NOS1: variants seen among roughly 807,000 people sequenced by gnomAD.
NOS1 encodes NOS type I.
A neutral mutation model predicts 164.5 loss-of-function variants in NOS1; 51 were observed. The ratio of observed to expected loss-of-function variants is 0.31; its 90% confidence interval spans 0.25 to 0.39. NOS1 has a LOEUF of 0.39. NOS1 is among the 10% of genes least tolerant of loss of function. NOS1 has a pLI of 1.00. For synonymous variants in NOS1, 719 were observed against 745.8 expected, an observed-to-expected ratio of 0.96 and a Z score of 0.59; for missense variants, 1,362 against 1,885.6, an observed-to-expected ratio of 0.72 and a Z score of 5.14.
intron 9 of NOS1, among the ~76,000 whole-genome samples, chr12:117,275,149 C>CAT (rs1226423332): frequency 1.5e-4 from 23 of 151,866 alleles, no homozygotes; most frequent in Admixed American, 3.3e-4. Flanking sequence ...TAAATATATA[C>CAT]ACACATATAT....
intron 2 of NOS1, among the ~76,000 whole-genome samples, chr12:117,324,196 T>C (rs1246507741): frequency 2.0e-5 from 3 of 152,158 alleles, no homozygotes; most frequent in South Asian, 2.1e-4. Context: ...CCCTCATCTA[T>C]GAAAGTAGGC....
intron 1 of NOS1, among the ~76,000 whole-genome samples, chr12:117,358,909 T>C (rs1876984566): frequency 6.6e-6 from 1 of 152,236 alleles, no homozygotes; most frequent in South Asian, 2.1e-4. Context: ...CATGCCAGAC[T>C]GCGTAGATGC....
At position 117,290,420 on chromosome 12, in the gene NOS1, TG is replaced by T; in HGVS notation, c.858del (p.Thr287ProfsTer103). ...NNPYSEKEQP[P>X]TSGKQSPTKN... The stretch of plus-strand genomic sequence containing the variant: ...TTTGTGGGGGACTGTTTTCCTGAGG[TG>T]GGGGGCTGCAGGAGAGAATGAAGGT... On this transcript the variant is annotated frameshift_variant, in exon 4 of 29. Transcript: ENST00000317775. LOFTEE classifies it high-confidence loss of function. The T allele has an allele frequency of 6.2e-7, 1 of 1,610,860 alleles. No individual in the cohort carries two copies. The highest frequency in any genetic ancestry group is 8.5e-7 in the Non-Finnish European group (1 of 1,178,458).
chr12:117,301,268 C>T (rs539001218), intron 3 of NOS1, among the ~76,000 whole-genome samples: 1 of 152,214 alleles, frequency 6.6e-6, no homozygotes, highest in South Asian at 2.1e-4. Flanking sequence ...GCTGGGATTA[C>T]AAGTGTGTGC....
Position 117,330,775 on chromosome 12 carries a change from C to A in NOS1, c.295G>T (p.Gly99Cys). Residue 99 changes from glycine to cysteine, a missense_variant, in exon 2 of 29, where the codon GGC becomes TGC. Gly to Cys is a radical substitution (Grantham distance 159, BLOSUM62 -3). This residue lies in a region of NOS1 where 362 missense variants were observed against 402.0 expected (regional missense o/e 0.90). Coordinates refer to ENST00000317775, the MANE Select transcript of NOS1 (RefSeq NM_000620.5). This position sits in a 1 kb window ranked among gnomAD's most constrained non-coding sequence, Gnocchi z 4.6. ...AGGTGCGTGGTGAAACCTTCAGGGCCCCTCAGAATGAGGACCACGTGGGTC... is the reference window on the plus strand; with the variant it reads ...AGGTGCGTGGTGAAACCTTCAGGGCACCTCAGAATGAGGACCACGTGGGTC... ...SETHVVLILR[G>C]PEGFTTHLET... 6.2e-7 allele frequency: 1 copy of A among 1,614,072 alleles called. No individual in the cohort carries two copies.
Position 117,340,759 on chromosome 12 carries a change from C to T in NOS1, c.-420-9270G>A, listed in dbSNP as rs999902382. On this transcript the variant is annotated intron_variant, in intron 1 of 28. Coordinates refer to ENST00000317775, the MANE Select transcript of NOS1 (RefSeq NM_000620.5). ...TTCTTTTTTGAGACGTAATCTTGCT[C>T]TGTTGCCCAGGCTGAGTGCAGTGGC... Among the ~76,000 whole-genome samples, 5 of 149,586 alleles carry T rather than the reference C, an allele frequency of 3.3e-5. 1 individual carries two copies. The South Asian group carries it at 8.6e-4, about 26-fold the overall frequency.
chr12:117,233,287 G>A (rs1869416239), intron 21 of NOS1, among the ~76,000 whole-genome samples: 1 of 151,750 alleles, frequency 6.6e-6, no homozygotes, highest in African/African-American at 2.4e-5. Flanking sequence ...GACCTCAGGT[G>A]ATCCACCTGC....
At chr12:117,332,815 A>G (rs925288534) in intron 1 of NOS1, among the ~76,000 whole-genome samples, 5 of 152,020 alleles carry the variant, frequency 3.3e-5, no homozygotes, top group African/African-American at 9.7e-5. Flanking sequence ...CAGTGAGCTG[A>G]GATTACGCCA....
chr12:117,305,927 G>A (rs1023051336), intron 3 of NOS1, among the ~76,000 whole-genome samples: 2 of 151,848 alleles, frequency 1.3e-5, no homozygotes, highest in African/African-American at 2.4e-5. Flanking sequence ...GAGTAGCTAG[G>A]AGTACAGGTG....
intron 1 of NOS1, among the ~76,000 whole-genome samples, chr12:117,359,874 TTTTATATATATATATATATATATA>T (rs1275371684): frequency 0.012 from 512 of 44,200 alleles, 37 homozygotes; most frequent in Middle Eastern, 0.022. Flanking sequence ...ACAATAATGG[TTTTATATATATATATATATATATA>T]TATATATATA....
intron 7 of NOS1, 70 bp from the exon 8 acceptor site, chr12:117,280,936 C>A (rs543746845): frequency 6.5e-7 from 1 of 1,550,038 alleles, no homozygotes; most frequent in Non-Finnish European, 8.8e-7. Context: ...CTAAACATGG[C>A]GCCACCCAGG....
rs2136102087 is a variant in NOS1 at position 117,359,932 on chromosome 12, A to ATATG, written c.-421+1579_-421+1580insCATA. On this transcript the variant is annotated intron_variant, in intron 1 of 28. Transcript: ENST00000317775. ...TATATATATATATATATATATATAT[A>ATATG]TATCAGCAACACTTCCTGCGTTATG... 2.1e-5 allele frequency among the ~76,000 whole-genome samples: 2 copies of ATATG among 95,200 alleles called. 1 individual carries two copies. The highest frequency in any genetic ancestry group is 6.9e-4 in the South Asian group (2 of 2,908). 62.5% of individuals were successfully genotyped at this position (95,200 alleles called of 152,430 possible).
intron 17 of NOS1, among the ~76,000 whole-genome samples, chr12:117,247,847 G>A (rs1004009261): frequency 6.6e-6 from 1 of 151,778 alleles, no homozygotes; most frequent in African/African-American, 2.4e-5. Context: ...TTTGGAGGCT[G>A]AGGCAGGAGA....
At chr12:117,215,361 A>T (rs775003350) in intron 28 of NOS1, 37 bp from the exon 29 acceptor site, 1 of 1,503,304 alleles carries the variant, frequency 6.7e-7, no homozygotes, top group Non-Finnish European at 8.9e-7. Context: ...TTAGTGCCCC[A>T]AGGGCAAGGC....
chr12:117,266,321 G>A (rs988818974), intron 11 of NOS1, among the ~76,000 whole-genome samples: 8 of 152,148 alleles, frequency 5.3e-5, no homozygotes, highest in African/African-American at 1.4e-4. Flanking sequence ...TTGCGTCCTC[G>A]TAGCTTAGCT....
chr12:117,214,273 C>T lies in NOS1; in HGVS notation c.*1036G>A, dbSNP rs1956570176. The T allele has an allele frequency of 2.0e-5, 20 of 985,290 alleles. No homozygotes were observed. The highest frequency in any genetic ancestry group is 2.4e-5 in the Non-Finnish European group (20 of 829,946). The allele number at this position is 985,290 out of a possible 1,614,324, so 61.0% of individuals were successfully genotyped here. ...CTTTAACATTTAATCCATTCATATT[C>T]TTTAGGTTCGTATGACATTATGACT... On this transcript the variant is annotated 3_prime_UTR_variant, in exon 29 of 29. Coordinates refer to ENST00000317775, the MANE Select transcript of NOS1 (RefSeq NM_000620.5).
At chr12:117,244,268 G>T (rs1369933061) in intron 18 of NOS1, among the ~76,000 whole-genome samples, 1 of 151,830 alleles carries the variant, frequency 6.6e-6, no homozygotes, top group East Asian at 1.9e-4. Flanking sequence ...ATTTAAGACA[G>T]AATCTCACTC....
At chr12:117,263,858 C>G (rs752237495) in intron 13 of NOS1, 31 bp downstream of exon 13, 1 of 1,557,534 alleles carries the variant, frequency 6.4e-7, no homozygotes, top group African/African-American at 1.4e-5. Context: ...GTGGGGACAT[C>G]CACCCCACCC....
At chr12:117,247,994 GCT>G (rs1340457829) in intron 17 of NOS1, among the ~76,000 whole-genome samples, 6 of 149,506 alleles carry the variant, frequency 4.0e-5, no homozygotes, top group Non-Finnish European at 7.4e-5. Flanking sequence ...ACACCAGAGT[GCT>G]CTCTCTCTCT....
Sources: allele counts gnomAD v4.1 joint callset (sites outside exome capture counted in the v4.1 genomes callset), GRCh38; gene constraint gnomAD v4.1.1; regional missense constraint gnomAD v4.1.1; non-coding constraint Gnocchi (gnomAD v3.1); transcripts MANE v1.5; gene names NCBI Gene and HGNC (gene_info 2026-07-23, HGNC 2026-07-21).